PRCD: variants seen among roughly 807,000 people sequenced by gnomAD.
The protein encoded by PRCD is photoreceptor disk component PRCD.
A neutral mutation model predicts 10.1 loss-of-function variants in PRCD; 12 were observed. That is an observed-to-expected ratio of 1.18 (90% CI 0.76 to 1.92). The LOEUF (loss-of-function observed/expected upper bound fraction) is 1.92, where lower values mean the gene tolerates loss of function less well. Ranked by LOEUF, PRCD falls within the 40% of genes most tolerant of loss-of-function variation. The probability of loss-of-function intolerance (pLI) is 0.00; values close to 1 mark genes in which losing one functional copy is unlikely to be tolerated. For missense variants in PRCD, 61 were observed against 72.2 expected (o/e 0.84, Z 0.56); for synonymous variants, 31 against 26.2 (o/e 1.18, Z -0.56).
At chr17:76,547,162 T>C (rs1299787854), downstream of PRCD, 1 of 152,342 alleles carries the variant, frequency 6.6e-6, no homozygotes, top group African/African-American at 2.4e-5. Flanking sequence ...GGTTCTTGCC[T>C]GCCAGGTGAG....
At position 76,530,274 on chromosome 17, in the gene PRCD, C is replaced by T. The variant is rs147417122; in HGVS notation, n.45+2441C>T. Among the ~76,000 whole-genome samples, 909 of 152,098 alleles carry T rather than the reference C, an allele frequency of 6.0e-3. 5 individuals are homozygous for T. The highest frequency in any genetic ancestry group is 0.02 in the African/African-American group (834 of 41,486). The stretch of plus-strand genomic sequence containing the variant: ...CCTCCCCTTGGGGGCCCAGGGAGGC[C>T]GAGTGTTCCCAACCGCCACATCTGG... On this transcript the variant is annotated intron_variant and non_coding_transcript_variant, in intron 1 of 4. Coordinates refer to the PRCD transcript ENST00000397633. This position sits in a 1 kb window ranked among gnomAD's most constrained non-coding sequence, Gnocchi z 6.1.
At position 76,544,072 on chromosome 17, in the gene PRCD, T is replaced by A. The variant is rs1041736196; in HGVS notation, c.*422T>A. 4.0e-5 allele frequency: 18 copies of A among 454,542 alleles called. No individual in the cohort carries two copies. The highest frequency in any genetic ancestry group is 7.9e-5 in the Non-Finnish European group (18 of 226,976). 28.2% of individuals were successfully genotyped at this position (454,542 alleles called of 1,614,324 possible). Reference sequence around the variant, plus strand: ...CCCCAGCTGCTCTGCCATTTCTCTCTTTTCAATCCTGCATGATCCTGAGCA... The same window carrying A: ...CCCCAGCTGCTCTGCCATTTCTCTCATTTCAATCCTGCATGATCCTGAGCA... On this transcript the variant is annotated 3_prime_UTR_variant, in exon 5 of 5. Coordinates refer to ENST00000592014, the MANE Select transcript of PRCD (RefSeq NM_001077620.3).
chr17:76,539,969 C>T (rs1266920189), upstream of PRCD: 14 of 666,102 alleles, frequency 2.1e-5, no homozygotes, highest in Admixed American at 2.5e-5. Context: ...CTTAATCAGT[C>T]CTCACAAGGT....
At position 76,543,097 on chromosome 17, in the gene PRCD, A is replaced by G. The variant is rs1188117940; in HGVS notation, c.*128A>G. The G allele has an allele frequency of 2.1e-6, 1 of 471,336 alleles. No homozygotes were observed. Among genetic ancestry groups the G allele is most frequent in the Admixed American group, 2.3e-5 (1 of 42,576 alleles). The allele number at this position is 471,336 out of a possible 1,614,324, so 29.2% of individuals were successfully genotyped here. A position where few individuals can be genotyped will look rare whatever the true frequency, so the allele number is the denominator to read the frequency against. ...AGCTGCAGCAGCGGCAAGAGGGAGAATGGGGGGAAGCAGCACTAGAGAAGG... is the reference window on the plus strand; with the variant it reads ...AGCTGCAGCAGCGGCAAGAGGGAGAGTGGGGGGAAGCAGCACTAGAGAAGG... On this transcript the variant is annotated 3_prime_UTR_variant, in exon 4 of 5. Coordinates refer to ENST00000592014, the MANE Select transcript of PRCD (RefSeq NM_001077620.3).
intron 1 of PRCD, chr17:76,527,853 G>A (rs1382505451): frequency 2.2e-6 from 1 of 450,920 alleles, no homozygotes; most frequent in East Asian, 7.0e-5. Flanking sequence ...TTCCTCTGAG[G>A]GAGTAGGGGG....
Position 76,540,247 on chromosome 17 carries a change from T to C in PRCD, c.74+32T>C, listed in dbSNP as rs2074971457. 1 of 218,182 alleles carries C rather than the reference T, an allele frequency of 4.6e-6. No homozygotes were observed. The highest frequency in any genetic ancestry group is 7.7e-6 in the Non-Finnish European group (1 of 129,530). The allele number at this position is 218,182 out of a possible 1,614,324, so 13.5% of individuals were successfully genotyped here. ...AACTGACCGGGCTATGGCTGGCGGTTGGTCGGGGGGGGGGGGCATGGGGCT... is the reference window on the plus strand; with the variant it reads ...AACTGACCGGGCTATGGCTGGCGGTCGGTCGGGGGGGGGGGGCATGGGGCT... On this transcript the variant is annotated intron_variant, in intron 1 of 4. Transcript: ENST00000592014. The surrounding 1 kb of genome is among the most constrained non-coding windows in gnomAD (Gnocchi z 5.0).
At position 76,531,059 on chromosome 17, in the gene PRCD, C is replaced by G; in HGVS notation, n.45+3226C>G. Reference sequence around the variant, plus strand: ...CGTGGCTGTAGATGAGGCCACGCAGCTTGGCCCAGGCTCTCTGCGTCTCAG... The same window carrying G: ...CGTGGCTGTAGATGAGGCCACGCAGGTTGGCCCAGGCTCTCTGCGTCTCAG... On this transcript the variant is annotated intron_variant and non_coding_transcript_variant, in intron 1 of 4. Transcript: ENST00000397633. The surrounding 1 kb of genome is among the most constrained non-coding windows in gnomAD (Gnocchi z 7.4). 1 of 1,613,924 alleles carries G rather than the reference C, an allele frequency of 6.2e-7. No homozygotes were observed. Among genetic ancestry groups the G allele is most frequent in the South Asian group, 1.1e-5 (1 of 91,078 alleles).
rs1003931266 is a variant in PRCD at position 76,530,297 on chromosome 17, T to A, written n.45+2464T>A. ...GCCGAGTGTTCCCAACCGCCACATC[T>A]GGGGGCTAGCCCTCCCCTCACGCTC... On this transcript the variant is annotated intron_variant and non_coding_transcript_variant, in intron 1 of 4. Transcript: ENST00000397633. This position sits in a 1 kb window ranked among gnomAD's most constrained non-coding sequence, Gnocchi z 6.1. 2.0e-5 allele frequency among the ~76,000 whole-genome samples: 3 copies of A among 151,904 alleles called. No homozygotes were observed. Among genetic ancestry groups the A allele is most frequent in the African/African-American group, 4.8e-5 (2 of 41,340 alleles).
At position 76,528,075 on chromosome 17, in the gene PRCD, G is replaced by C; in HGVS notation, n.45+242G>C. 2.7e-6 allele frequency: 1 copy of C among 365,824 alleles called. No individual in the cohort carries two copies. The highest frequency in any genetic ancestry group is 5.1e-6 in the Non-Finnish European group (1 of 195,592). 22.7% of individuals were successfully genotyped at this position (365,824 alleles called of 1,614,324 possible). Reference sequence around the variant, plus strand: ...GCCCCACTCACAGGTGGGCCAAACCGAGGCTTCTGGGCGCCGCGGATACAC... The same window carrying C: ...GCCCCACTCACAGGTGGGCCAAACCCAGGCTTCTGGGCGCCGCGGATACAC... On this transcript the variant is annotated intron_variant and non_coding_transcript_variant, in intron 1 of 4. Transcript: ENST00000397633. The surrounding 1 kb of genome is among the most constrained non-coding windows in gnomAD (Gnocchi z 5.8).
chr17:76,552,887 TATATATATATAA>T (rs2075122920), intron 1 of PRCD: 1 of 122,708 alleles, frequency 8.1e-6, no homozygotes, highest in Admixed American at 8.0e-5. Flanking sequence ...AAAAAATATA[TATATATATATAA>T]AAATATATAT....
In PRCD at chr17:76,531,472, C is replaced by T. The variant is rs201780371; in HGVS notation, n.45+3639C>T. ...TGGGGGCGCATACCTTGAAGTACAC[C>T]GGTTCCACCTTGTGCTTGAGGGCGT... is the stretch of plus-strand genomic sequence containing the variant. On this transcript the variant is annotated intron_variant and non_coding_transcript_variant, in intron 1 of 4. Coordinates refer to the PRCD transcript ENST00000397633. The surrounding 1 kb of genome is among the most constrained non-coding windows in gnomAD (Gnocchi z 7.4). 568 of 1,609,258 alleles carry T rather than the reference C, an allele frequency of 3.5e-4. 4 individuals are homozygous for T. In the South Asian group the frequency reaches 4.9e-3, roughly 14 times the overall value.
upstream of PRCD, among the ~76,000 whole-genome samples, chr17:76,535,772 C>G (rs932512064): frequency 3.3e-5 from 5 of 152,220 alleles, no homozygotes; most frequent in Admixed American, 2.0e-4. Context: ...TGGCATCTGC[C>G]CTACCCTGGT....
chr17:76,534,143 TCTTTC>T (rs2074885639), intron 1 of PRCD, among the ~76,000 whole-genome samples: 1 of 111,050 alleles, frequency 9.0e-6, no homozygotes, highest in African/African-American at 3.8e-5. Context: ...TCTCTCTTTC[TCTTTC>T]TCTCTCTCTC....
Position 76,531,783 on chromosome 17 carries a change from C to T in PRCD, n.45+3950C>T, listed in dbSNP as rs1034028931. 3.2e-4 allele frequency: 330 copies of T among 1,024,810 alleles called. 1 individual carries two copies. Among genetic ancestry groups the T allele is most frequent in the Middle Eastern group, 4.3e-4 (2 of 4,614 alleles). 63.5% of individuals were successfully genotyped at this position (1,024,810 alleles called of 1,614,324 possible). On this transcript the variant is annotated intron_variant and non_coding_transcript_variant, in intron 1 of 4. Coordinates refer to the PRCD transcript ENST00000397633. This position sits in a 1 kb window ranked among gnomAD's most constrained non-coding sequence, Gnocchi z 7.4. ...GGATAGTGGGGGCTGAAGAAGTGGA[C>T]CGCAGTGCTCCCCACCCCCGCACCG...
chr17:76,543,169 C>G (rs777650312), intron 4 of PRCD, 48 bp downstream of exon 4: 1 of 460,692 alleles, frequency 2.2e-6, no homozygotes, highest in Non-Finnish European at 4.5e-6. Flanking sequence ...CCCCTTCCCC[C>G]AGGCCCTGGG....
intron 2 of PRCD, 98 bp from the exon 3 acceptor site, chr17:76,542,455 G>T: frequency 7.2e-7 from 1 of 1,387,996 alleles, no homozygotes; most frequent in South Asian, 1.2e-5. Flanking sequence ...TCAATATTGG[G>T]GTGAATTGAT....
upstream of PRCD, chr17:76,537,508 C>A (rs750810274): frequency 3.8e-6 from 6 of 1,576,670 alleles, no homozygotes; most frequent in East Asian, 5.0e-5. Context: ...CCGCTCCCTG[C>A]GCTCGATCTC....
intron 1 of PRCD, among the ~76,000 whole-genome samples, chr17:76,532,676 C>T (rs2074861239): frequency 6.6e-6 from 1 of 151,998 alleles, no homozygotes; most frequent in South Asian, 2.1e-4. Context: ...GGACTACAGG[C>T]ATCCATCACC....
Position 76,531,404 on chromosome 17 carries a change from G to A in PRCD, n.45+3571G>A. On this transcript the variant is annotated intron_variant and non_coding_transcript_variant, in intron 1 of 4. Transcript: ENST00000397633. The surrounding 1 kb of genome is among the most constrained non-coding windows in gnomAD (Gnocchi z 7.4). The stretch of plus-strand genomic sequence containing the variant: ...AGAGCCGTCGCAGAGCCTGCGAGCT[G>A]CAGATGGCCATGACGCGTGGGCGGT... The A allele has an allele frequency of 5.7e-6, 9 of 1,566,270 alleles. No homozygotes were observed. Among genetic ancestry groups the A allele is most frequent in the Admixed American group, 1.7e-5 (1 of 58,262 alleles).
Sources: allele counts gnomAD v4.1 joint callset (sites outside exome capture counted in the v4.1 genomes callset), GRCh38; gene constraint gnomAD v4.1.1; non-coding constraint Gnocchi (gnomAD v3.1); transcripts MANE v1.5; gene names NCBI Gene and HGNC (gene_info 2026-07-23, HGNC 2026-07-21).